The following ZNF346 variants were observed in gnomAD, a reference collection of about 807,000 sequenced individuals.
ZNF346 encodes the protein double-stranded RNA-binding zinc finger protein JAZ.
A neutral mutation model predicts 33.7 loss-of-function variants in ZNF346; 23 were observed. The ratio of observed to expected loss-of-function variants is 0.68; its 90% CI spans 0.49 to 0.97. The LOEUF (loss-of-function observed/expected upper bound fraction) is 0.97. ZNF346 is among the 50% of genes least tolerant of loss of function. The pLI is 0.00. For synonymous variants in ZNF346, 134 were observed against 142.4 expected (o/e 0.94, Z 0.42); for missense variants, 340 against 371.1 (o/e 0.92, Z 0.69).
intron 1 of ZNF346, among the ~76,000 whole-genome samples, chr5:177,027,785 A>G (rs1184815204): frequency 2.6e-5 from 4 of 151,690 alleles, no homozygotes; most frequent in Admixed American, 2.6e-4. Flanking sequence ...CTAGGACTGC[A>G]AGGGCATACC....
chr5:177,028,936 A>G (rs1432516842), intron 1 of ZNF346, among the ~76,000 whole-genome samples: 21 of 151,436 alleles, frequency 1.4e-4, no homozygotes, highest in Middle Eastern at 3.4e-3. Context: ...AGCCAGGCTG[A>G]TCTCGATTTC....
At chr5:177,041,721 G>T in intron 2 of ZNF346, 57 bp from the exon 3 acceptor site, 1 of 1,106,334 alleles carries the variant, frequency 9.0e-7, no homozygotes, top group South Asian at 1.3e-5. Context: ...GTTTTTGAGT[G>T]CCTTAAGTAT....
intron 8 of ZNF346, among the ~76,000 whole-genome samples, chr5:177,073,828 AG>A (rs34734185): frequency 0.3 from 20,837 of 69,104 alleles, 3,093 homozygotes; most frequent in African/African-American, 0.55. Context: ...CGGGCGGGGG[AG>A]GGGGGGGGTC....
chr5:177,042,837 C>T (rs1028747517), intron 3 of ZNF346, among the ~76,000 whole-genome samples: 1 of 151,964 alleles, frequency 6.6e-6, no homozygotes, highest in Non-Finnish European at 1.5e-5. Context: ...CTCAAGTGAT[C>T]CTCCCACTTC....
chr5:177,022,759 C>T lies in ZNF346; in HGVS notation c.21C>T (p.Ala7=), dbSNP rs778274194. The part of the protein sequence containing the change: MEYPAP[A]TVQAADGGAA... ...GGAAGATGGAGTATCCCGCGCCGGC[C>T]ACGGTGCAGGCCGCGGACGGCGGAG... Residue 7 remains alanine (A), a synonymous_variant, in exon 1 of 7, where the codon GCC becomes GCT. Coordinates refer to ENST00000358149, the MANE Select transcript of ZNF346 (RefSeq NM_012279.4). 1.5e-5 allele frequency: 23 copies of T among 1,557,136 alleles called. No homozygotes were observed. The South Asian group carries it at 2.7e-4, about 18-fold the overall frequency.
downstream of ZNF346, among the ~76,000 whole-genome samples, chr5:177,068,667 C>A (rs1214754807): frequency 7.0e-6 from 1 of 143,054 alleles, no homozygotes; most frequent in Non-Finnish European, 1.5e-5. Context: ...TGATTTGGGG[C>A]CTGGGTCATG....
intron 5 of ZNF346, among the ~76,000 whole-genome samples, chr5:177,059,599 G>A (rs1278713293): frequency 1.5e-5 from 1 of 67,264 alleles, no homozygotes; most frequent in African/African-American, 7.1e-5. Context: ...GTCCCCTCCA[G>A]GTTACTGAAA....
chr5:177,051,427 G>A (rs1459766714), intron 5 of ZNF346, among the ~76,000 whole-genome samples: 1 of 151,836 alleles, frequency 6.6e-6, no homozygotes, highest in East Asian at 1.9e-4. Flanking sequence ...CGCCCACCTC[G>A]GCCTCCCAAA....
intron 1 of ZNF346, among the ~76,000 whole-genome samples, chr5:177,032,644 C>T (rs999774351): frequency 1.3e-5 from 2 of 152,166 alleles, no homozygotes; most frequent in African/African-American, 4.8e-5. Context: ...CTCCTGACCT[C>T]AGGTGATCCG....
At chr5:177,048,151 G>A (rs1780348129) in intron 4 of ZNF346, among the ~76,000 whole-genome samples, 1 of 151,802 alleles carries the variant, frequency 6.6e-6, no homozygotes, top group Non-Finnish European at 1.5e-5. Context: ...TACATTTCAG[G>A]TTATTTTCTG....
chr5:177,076,843 C>T (rs1260964281), intron 8 of ZNF346, among the ~76,000 whole-genome samples: 1 of 152,114 alleles, frequency 6.6e-6, no homozygotes, highest in Non-Finnish European at 1.5e-5. Context: ...GAGTTTGAGA[C>T]CATCCTGGCC....
At chr5:177,034,987 T>C (rs2149604961) in intron 1 of ZNF346, among the ~76,000 whole-genome samples, 1 of 152,194 alleles carries the variant, frequency 6.6e-6, no homozygotes, top group East Asian at 1.9e-4. Context: ...ACTTTCAGCC[T>C]CTCTAGTGAT....
At chr5:177,037,226 T>G (rs1469866075) in intron 1 of ZNF346, among the ~76,000 whole-genome samples, 1 of 152,228 alleles carries the variant, frequency 6.6e-6, no homozygotes, top group Non-Finnish European at 1.5e-5. Context: ...TTCCTCTGCC[T>G]GACTTCAAAA....
chr5:177,023,704 C>G (rs1479723300), intron 1 of ZNF346, among the ~76,000 whole-genome samples: 2 of 152,168 alleles, frequency 1.3e-5, no homozygotes, highest in African/African-American at 2.4e-5. Flanking sequence ...CTGTCCTTTA[C>G]AGAGCCAGCT....
At chr5:177,038,904 G>T (rs1778966261) in intron 1 of ZNF346, among the ~76,000 whole-genome samples, 1 of 150,886 alleles carries the variant, frequency 6.6e-6, no homozygotes, top group South Asian at 2.1e-4. Flanking sequence ...GTGTGTGTGT[G>T]TGTGTGTGTG....
downstream of ZNF346, among the ~76,000 whole-genome samples, chr5:177,070,676 T>C: frequency 6.6e-6 from 1 of 152,180 alleles, no homozygotes; most frequent in East Asian, 1.9e-4. Context: ...CTTTCTATTG[T>C]TGACCTGAAG....
chr5:177,040,177 T>G (rs1212786118), intron 1 of ZNF346, among the ~76,000 whole-genome samples: 1 of 124,120 alleles, frequency 8.1e-6, no homozygotes, highest in Non-Finnish European at 1.6e-5. Context: ...CGAGACTCCC[T>G]CTCAAAAAAA....
chr5:177,038,826 T>C (rs959977403), intron 1 of ZNF346, among the ~76,000 whole-genome samples: 1 of 151,942 alleles, frequency 6.6e-6, no homozygotes, highest in African/African-American at 2.4e-5. Context: ...GGGTTTCTTA[T>C]TGTGAGAAGC....
intron 4 of ZNF346, 146 bp downstream of exon 4, chr5:177,044,679 C>T: frequency 1.3e-6 from 1 of 797,886 alleles, no homozygotes; most frequent in Non-Finnish European, 2.0e-6. Context: ...TCCAAGTAGA[C>T]CCAGCTTCAC....
Sources: allele counts gnomAD v4.1 joint callset (sites outside exome capture counted in the v4.1 genomes callset), GRCh38; gene constraint gnomAD v4.1.1; transcripts MANE v1.5; gene names NCBI Gene and HGNC (gene_info 2026-07-23, HGNC 2026-07-21).